GCNT3: variants seen among roughly 807,000 people sequenced by gnomAD.
GCNT3 encodes the protein beta-1,3-galactosyl-O-glycosyl-glycoprotein beta-1,6-N-acetylglucosaminyltransferase 3.
For synonymous variants in GCNT3, 269 were observed against 195.2 expected (o/e 1.38, Z -3.15); for missense variants, 708 against 530.3 (o/e 1.34, Z -3.29).
At position 59,619,651 on chromosome 15, in the gene GCNT3, G is replaced by T. The variant is rs1478984484; in HGVS notation, c.*96G>T. ...AGTGTGGGTGGGAGACCAGGGCTTT[G>T]CAATTCGTGGCATCCTTTAGGATAA... On this transcript the variant is annotated 3_prime_UTR_variant, in exon 3 of 3. Transcript: ENST00000396065. The T allele has an allele frequency of 3.8e-5, 29 of 757,212 alleles. No individual in the cohort carries two copies. Among genetic ancestry groups the T allele is most frequent in the Admixed American group, 6.9e-5 (3 of 43,266 alleles). The allele number at this position is 757,212 out of a possible 1,614,324, so 46.9% of individuals were successfully genotyped here. A position where few individuals can be genotyped will look rare whatever the true frequency, so the allele number is the denominator to read the frequency against.
chr15:59,617,718 G>A (rs2082726217), intron 2 of GCNT3, among the ~76,000 whole-genome samples: 1 of 152,152 alleles, frequency 6.6e-6, no homozygotes, highest in African/African-American at 2.4e-5. Flanking sequence ...TATATAAATT[G>A]CCAAAATAGA....
At chr15:59,614,190 C>T (rs912638443) in intron 1 of GCNT3, among the ~76,000 whole-genome samples, 1 of 152,084 alleles carries the variant, frequency 6.6e-6, no homozygotes, top group Non-Finnish European at 1.5e-5. Flanking sequence ...GAAGCAAGTG[C>T]TTATCCCATA....
Position 59,621,592 on chromosome 15 carries a change from G to GTTTTTTTTTTTTTT in GCNT3, c.*2041_*2054dup, listed in dbSNP as rs71119496. The GTTTTTTTTTTTTTT allele has an allele frequency of 8.4e-6, 1 of 118,830 alleles. No homozygotes were observed. Among genetic ancestry groups the GTTTTTTTTTTTTTT allele is most frequent in the Non-Finnish European group, 1.6e-5 (1 of 62,212 alleles). The allele number at this position is 118,830 out of a possible 1,614,324, so 7.4% of individuals were successfully genotyped here. A position where few individuals can be genotyped will look rare whatever the true frequency, so the allele number is the denominator to read the frequency against. On this transcript the variant is annotated 3_prime_UTR_variant, in exon 3 of 3. Coordinates refer to ENST00000396065, the MANE Select transcript of GCNT3 (RefSeq NM_004751.3). ...ATATGTTTCTTCCTTTCTGATTTTT[G>GTTTTTTTTTTTTTT]TTTTTTTTTTTTTTTTTGAGACAGA...
rs1275333222 is a variant in GCNT3, at chr15:59,620,409, G to T, written c.*854G>T. The T allele has an allele frequency of 1.2e-5, 2 of 166,986 alleles. No individual in the cohort carries two copies. Among genetic ancestry groups the T allele is most frequent in the African/African-American group, 4.8e-5 (2 of 41,438 alleles). The allele number at this position is 166,986 out of a possible 1,614,324, so 10.3% of individuals were successfully genotyped here. A position where few individuals can be genotyped will look rare whatever the true frequency, so the allele number is the denominator to read the frequency against. On this transcript the variant is annotated 3_prime_UTR_variant, in exon 3 of 3. Coordinates refer to ENST00000396065, the MANE Select transcript of GCNT3 (RefSeq NM_004751.3). ...TCTTGAACTCCTGACCTTGTGATCT[G>T]CCCGCCTCGGCCTTCCGAAATGCTG...
chr15:59,613,074 A>C (rs1415316705), intron 1 of GCNT3, among the ~76,000 whole-genome samples: 5 of 152,132 alleles, frequency 3.3e-5, no homozygotes, highest in Non-Finnish European at 5.9e-5. Flanking sequence ...AGGGGCTGTA[A>C]GTACCAGGCT....
chr15:59,616,596 A>G (rs2082720729), intron 1 of GCNT3, 96 bp from the exon 2 acceptor site: 1 of 152,194 alleles, frequency 6.6e-6, no homozygotes, highest in East Asian at 1.9e-4. Flanking sequence ...GGGCTTGAGA[A>G]TGTTTCTGCA....
In GCNT3 at chr15:59,620,647, A is replaced by C. The variant is rs562287131; in HGVS notation, c.*1092A>C. 1.4e-4 allele frequency: 24 copies of C among 167,154 alleles called. 1 individual carries two copies. Among genetic ancestry groups the C allele is most frequent in the African/African-American group, 5.5e-4 (23 of 41,538 alleles). 10.4% of individuals were successfully genotyped at this position (167,154 alleles called of 1,614,324 possible). ...ACAGGAAAATCGCAGCACTAATTCT[A>C]ATTTTGTCCACTTTACAGCCAAAGC... On this transcript the variant is annotated 3_prime_UTR_variant, in exon 3 of 3. Transcript: ENST00000396065.
chr15:59,616,072 T>C lies in GCNT3; in HGVS notation c.-250-620T>C, dbSNP rs192878264. Among the ~76,000 whole-genome samples, 3 of 152,258 alleles carry C rather than the reference T, an allele frequency of 2.0e-5. No homozygotes were observed. In the East Asian group the frequency reaches 5.8e-4, roughly 29 times the overall value. On this transcript the variant is annotated intron_variant, in intron 1 of 2. Transcript: ENST00000396065. ...CTCACTGAAGTCCAACAGCCCATAG[T>C]GTAATCCATTCCTTAGACTGCCAAC...
chr15:59,613,078 C>A (rs1282571764), intron 1 of GCNT3, among the ~76,000 whole-genome samples: 1 of 151,964 alleles, frequency 6.6e-6, no homozygotes, highest in Non-Finnish European at 1.5e-5. Context: ...GCTGTAAGTA[C>A]CAGGCTATAT....
rs771651830 is a variant in GCNT3 at position 59,619,484 on chromosome 15, G to A, written c.1246G>A (p.Val416Ile). The A allele has an allele frequency of 1.2e-6, 2 of 1,613,954 alleles. No homozygotes were observed. The highest frequency in any genetic ancestry group is 8.5e-7 in the Non-Finnish European group (1 of 1,179,996). ...HLLANKFDPK[V>I]DDNALQCLEE... Reference sequence around the variant, plus strand: ...GTTGGCCAACAAGTTTGACCCAAAGGTAGATGATAATGCTCTTCAGTGCTT... The same window carrying A: ...GTTGGCCAACAAGTTTGACCCAAAGATAGATGATAATGCTCTTCAGTGCTT... The change falls in exon 3 of 3, where the codon GTA (valine) becomes ATA (isoleucine). Residue 416 changes from valine (V) to isoleucine (I), a missense_variant. Transcript: ENST00000396065.
chr15:59,619,367 G>A lies in GCNT3; in HGVS notation c.1129G>A (p.Ala377Thr), dbSNP rs1000368320. ...QGHEGDIDKG[A>T]PYAPCSGIHQ... ...TCATGAGGGAGACATCGATAAGGGT[G>A]CTCCTTATGCTCCCTGCTCTGGAAT... The change falls in exon 3 of 3, where the codon GCT becomes ACT. Residue 377 changes from alanine (A) to threonine (T), a missense_variant. Transcript: ENST00000396065. 6.2e-7 allele frequency: 1 copy of A among 1,614,100 alleles called. No homozygotes were observed. The highest frequency in any genetic ancestry group is 8.5e-7 in the Non-Finnish European group (1 of 1,180,014).
At position 59,619,926 on chromosome 15, in the gene GCNT3, G is replaced by C. The variant is rs1429164466; in HGVS notation, c.*371G>C. ...TGCCGTTCCTAATAATTCCAGGTTT[G>C]GTAGCGTGGAGGAGAACTTTGATGG... On this transcript the variant is annotated 3_prime_UTR_variant, in exon 3 of 3. Transcript: ENST00000396065. 2 of 195,744 alleles carry C rather than the reference G, an allele frequency of 1.0e-5. No homozygotes were observed. The highest frequency in any genetic ancestry group is 5.4e-5 in the Admixed American group (1 of 18,510). 12.1% of individuals were successfully genotyped at this position (195,744 alleles called of 1,614,324 possible).
At chr15:59,613,209 T>C (rs75234199) in intron 1 of GCNT3, among the ~76,000 whole-genome samples, 14,523 of 152,058 alleles carry the variant, frequency 0.096, 1,095 homozygotes, top group East Asian at 0.3. Flanking sequence ...AATGAATTTG[T>C]TGCAGATCAT....
chr15:59,618,948 C>T lies in GCNT3; in HGVS notation c.710C>T (p.Ala237Val). 2 of 1,613,996 alleles carry T rather than the reference C, an allele frequency of 1.2e-6. No individual in the cohort carries two copies. The highest frequency in any genetic ancestry group is 1.3e-5 in the African/African-American group (1 of 74,988). Residue 237 changes from alanine to valine, a missense_variant, in exon 3 of 3, where the codon GCA becomes GTA. Ala to Val is a moderately conservative substitution (Grantham distance 64). Coordinates refer to ENST00000396065, the MANE Select transcript of GCNT3 (RefSeq NM_004751.3). ...CGTDFPIKSN[A>V]EMVQALKMLN... The stretch of plus-strand genomic sequence containing the variant: ...ACGGACTTTCCTATAAAGAGCAATG[C>T]AGAGATGGTCCAGGCTCTCAAGATG...
In GCNT3 at chr15:59,618,665, A is replaced by G. The variant is rs776810516; in HGVS notation, c.427A>G (p.Ile143Val). The change falls in exon 3 of 3, where the codon ATT becomes GTT. Residue 143 changes from isoleucine to valine, a missense_variant. Ile to Val is a conservative substitution (Grantham distance 29). Transcript: ENST00000396065. ...ATACTCTATGGTGATTCATGAGAAGATTGAAAACTTTGAAAGGCTACTGCG... is the reference window on the plus strand; with the variant it reads ...ATACTCTATGGTGATTCATGAGAAGGTTGAAAACTTTGAAAGGCTACTGCG... The part of the protein sequence containing the change: ...IAYSMVIHEK[I>V]ENFERLLRAV... 6.2e-7 allele frequency: 1 copy of G among 1,614,204 alleles called. No individual in the cohort carries two copies. Among genetic ancestry groups the G allele is most frequent in the Admixed American group, 1.7e-5 (1 of 60,022 alleles).
chr15:59,618,812 C>T lies in GCNT3; in HGVS notation c.574C>T (p.Leu192=), dbSNP rs1184187278. Reference sequence around the variant, plus strand: ...CCCAAATGTCTTCATAGCCAGTAAGCTGGTTCGGGTGGTTTATGCCTCCTG... The same window carrying T: ...CCCAAATGTCTTCATAGCCAGTAAGTTGGTTCGGGTGGTTTATGCCTCCTG... The part of the protein sequence containing the change: ...CFPNVFIASK[L]VRVVYASWSR... Residue 192 remains leucine, a synonymous_variant, in exon 3 of 3, where the codon CTG becomes TTG. Transcript: ENST00000396065. 3 of 1,614,196 alleles carry T rather than the reference C, an allele frequency of 1.9e-6. No homozygotes were observed. Among genetic ancestry groups the T allele is most frequent in the Non-Finnish European group, 1.7e-6 (2 of 1,180,032 alleles).
chr15:59,618,218 C>T lies in GCNT3; in HGVS notation c.-21C>T, dbSNP rs2082728470. The T allele has an allele frequency of 1.4e-6, 2 of 1,404,052 alleles. No individual in the cohort carries two copies. The highest frequency in any genetic ancestry group is 2.0e-6 in the Non-Finnish European group (2 of 1,019,814). 87.0% of individuals were successfully genotyped at this position (1,404,052 alleles called of 1,614,324 possible). On this transcript the variant is annotated 5_prime_UTR_variant, in exon 3 of 3. Coordinates refer to ENST00000396065, the MANE Select transcript of GCNT3 (RefSeq NM_004751.3). Reference sequence around the variant, plus strand: ...CCACCTTCCCTGTGCTCGGTCTCCACCTGTCTCCCATTCTGTGACGATGGT... The same window carrying T: ...CCACCTTCCCTGTGCTCGGTCTCCATCTGTCTCCCATTCTGTGACGATGGT...
At chr15:59,617,127 G>A (rs2082722917) in intron 2 of GCNT3, among the ~76,000 whole-genome samples, 1 of 142,306 alleles carries the variant, frequency 7.0e-6, no homozygotes, top group South Asian at 2.3e-4. Flanking sequence ...TTCATCTTAG[G>A]ATTTCAATGT....
In GCNT3 at chr15:59,619,527, A is replaced by AT; in HGVS notation, c.1290dup (p.Lys431Ter). On this transcript the variant is annotated frameshift_variant, in exon 3 of 3. Coordinates refer to ENST00000396065, the MANE Select transcript of GCNT3 (RefSeq NM_004751.3). LOFTEE classifies it high-confidence loss of function. ...CAGTGCTTAGAAGAATACCTACGTT[A>AT]TAAGGCCATCTATGGGACTGAACTT... The AT allele has an allele frequency of 6.2e-7, 1 of 1,604,652 alleles. No individual in the cohort carries two copies. The highest frequency in any genetic ancestry group is 8.5e-7 in the Non-Finnish European group (1 of 1,173,124).
Sources: allele counts gnomAD v4.1 joint callset (sites outside exome capture counted in the v4.1 genomes callset), GRCh38; gene constraint gnomAD v4.1.1; transcripts MANE v1.5; gene names NCBI Gene and HGNC (gene_info 2026-07-23, HGNC 2026-07-21).